The following AGBL4 variants were observed in gnomAD, a reference collection of about 807,000 sequenced individuals.
AGBL4 encodes cytosolic carboxypeptidase 6.
A neutral mutation model predicts 66.4 loss-of-function variants in AGBL4; 58 were observed. That is an observed-to-expected ratio of 0.87 (90% CI 0.71 to 1.09). The LOEUF (loss-of-function observed/expected upper bound fraction) is 1.09, where lower values mean the gene tolerates loss of function less well. Among genes scored for constraint, AGBL4 ranks in the 50% least tolerant of loss-of-function variants. The probability of loss-of-function intolerance (pLI) is 0.00; values close to 1 mark genes in which losing one functional copy is unlikely to be tolerated. For missense variants in AGBL4, 579 were observed against 631.0 expected, an observed-to-expected ratio of 0.92 and a Z score of 0.88; for synonymous variants, 234 against 222.9, an observed-to-expected ratio of 1.05 and a Z score of -0.44.
chr1:49,203,859 G>A (rs1430171537), intron 4 of AGBL4, among the ~76,000 whole-genome samples: 1 of 152,118 alleles, frequency 6.6e-6, no homozygotes, highest in Non-Finnish European at 1.5e-5. Context: ...TTAGAGATAT[G>A]TTGTACAACA....
intron 5 of AGBL4, among the ~76,000 whole-genome samples, chr1:49,004,721 A>C (rs551711168): frequency 6.6e-6 from 1 of 152,350 alleles, no homozygotes; most frequent in African/African-American, 2.4e-5. Flanking sequence ...CTTCCTGAGG[A>C]ATTAGTGGAG....
chr1:49,712,768 T>C (rs1171450655), intron 2 of AGBL4, among the ~76,000 whole-genome samples: 1 of 151,974 alleles, frequency 6.6e-6, no homozygotes, highest in East Asian at 1.9e-4. Context: ...CCACTTGGAT[T>C]GAATCTCAGC....
At chr1:49,560,921 A>G (rs1333105080) in intron 3 of AGBL4, among the ~76,000 whole-genome samples, 1 of 152,126 alleles carries the variant, frequency 6.6e-6, no homozygotes, top group African/African-American at 2.4e-5. Context: ...AAGCTGAGGG[A>G]TTTCATCAAC....
At chr1:49,505,280 T>C (rs1320438837) in intron 3 of AGBL4, among the ~76,000 whole-genome samples, 2 of 152,096 alleles carry the variant, frequency 1.3e-5, no homozygotes, top group Non-Finnish European at 2.9e-5. Context: ...TATTACAGTA[T>C]TTTAGTATTC....
rs1269772126 is a variant in AGBL4, at chr1:48,534,903, C to T, written c.1378G>A (p.Glu460Lys). The T allele has an allele frequency of 2.6e-6, 4 of 1,551,416 alleles. No homozygotes were observed. The highest frequency in any genetic ancestry group is 3.5e-6 in the Non-Finnish European group (4 of 1,146,774). ...GCAGTTCCTTACCTTCTCTGGACTT[C>T]TATTTCTTTATTTCTAAAATAGGAG... is the stretch of plus-strand genomic sequence containing the variant. ...PMPRLRNKEI[E>K]VQRRKEKSPP... Residue 460 changes from glutamate (E) to lysine (K), a missense_variant, in exon 13 of 14, where the codon GAA becomes AAA. Transcript: ENST00000371839.
intron 2 of AGBL4, among the ~76,000 whole-genome samples, chr1:49,787,790 T>C (rs1001657878): frequency 2.6e-5 from 4 of 152,054 alleles, no homozygotes; most frequent in African/African-American, 9.7e-5. Context: ...AGGACACACC[T>C]AATTCCTCCA....
At chr1:49,699,770 A>T (rs1255877230) in intron 2 of AGBL4, among the ~76,000 whole-genome samples, 1 of 151,968 alleles carries the variant, frequency 6.6e-6, no homozygotes, top group East Asian at 1.9e-4. Context: ...TATGTAGGTC[A>T]AAGAGTAGAA....
intron 3 of AGBL4, among the ~76,000 whole-genome samples, chr1:49,457,005 CTG>C (rs1646404673): frequency 6.6e-6 from 1 of 151,588 alleles, no homozygotes; most frequent in Admixed American, 6.6e-5. Flanking sequence ...TTCCATATTT[CTG>C]CAATTGCAAA....
chr1:49,657,519 T>C (rs1407477657), intron 3 of AGBL4, among the ~76,000 whole-genome samples: 2 of 152,176 alleles, frequency 1.3e-5, no homozygotes, highest in Non-Finnish European at 2.9e-5. Context: ...TTAAAGTTCA[T>C]AGGGAACCAA....
At chr1:48,778,224 C>G (rs1013012566) in intron 6 of AGBL4, among the ~76,000 whole-genome samples, 1 of 152,030 alleles carries the variant, frequency 6.6e-6, no homozygotes, top group African/African-American at 2.4e-5. Flanking sequence ...TTCAAGCAAC[C>G]AATATTCACT....
At chr1:49,362,771 A>G (rs1270581793) in intron 3 of AGBL4, among the ~76,000 whole-genome samples, 1 of 152,206 alleles carries the variant, frequency 6.6e-6, no homozygotes, top group Non-Finnish European at 1.5e-5. Flanking sequence ...TCCCAAAGGA[A>G]TGTATCCAGT....
At chr1:49,919,769 C>T (rs1196459727) in intron 1 of AGBL4, among the ~76,000 whole-genome samples, 38 of 152,108 alleles carry the variant, frequency 2.5e-4, no homozygotes, top group Admixed American at 2.4e-3. Flanking sequence ...AAAAAAGAGC[C>T]CGCATTGCCA....
chr1:48,931,568 TG>T (rs1381654275), intron 5 of AGBL4, among the ~76,000 whole-genome samples: 3 of 152,066 alleles, frequency 2.0e-5, no homozygotes, highest in Non-Finnish European at 4.4e-5. Flanking sequence ...CACCCAGGCT[TG>T]AGTGCAGTGG....
intron 2 of AGBL4, among the ~76,000 whole-genome samples, chr1:49,815,824 A>G (rs1645217455): frequency 6.6e-6 from 1 of 152,126 alleles, no homozygotes; most frequent in Non-Finnish European, 1.5e-5. Flanking sequence ...CTTTTGAGAA[A>G]TGTCTATTCA....
intron 3 of AGBL4, among the ~76,000 whole-genome samples, chr1:49,358,871 T>C (rs1390359792): frequency 2.6e-5 from 4 of 152,334 alleles, no homozygotes; most frequent in African/African-American, 4.8e-5. Context: ...CTATTGATAA[T>C]TGAAAAAATC....
chr1:49,382,044 A>G (rs1000303093), intron 3 of AGBL4, among the ~76,000 whole-genome samples: 2 of 152,104 alleles, frequency 1.3e-5, no homozygotes, highest in Non-Finnish European at 1.5e-5. Context: ...TAGCCACTGA[A>G]ACACTCAGGA....
intron 6 of AGBL4, among the ~76,000 whole-genome samples, chr1:48,719,515 T>C (rs527400148): frequency 6.6e-6 from 1 of 152,294 alleles, no homozygotes; most frequent in South Asian, 2.1e-4. Context: ...AGCCCCACCC[T>C]TCAGTGTGTC....
chr1:49,271,071 C>T (rs1644047787), intron 3 of AGBL4, among the ~76,000 whole-genome samples: 1 of 152,194 alleles, frequency 6.6e-6, no homozygotes, highest in South Asian at 2.1e-4. Context: ...ACTTTCACTG[C>T]CATGGCCTAG....
At chr1:48,876,572 C>T (rs1330336021) in intron 5 of AGBL4, among the ~76,000 whole-genome samples, 1 of 152,138 alleles carries the variant, frequency 6.6e-6, no homozygotes, top group Non-Finnish European at 1.5e-5. Flanking sequence ...AAATGCCCAC[C>T]CAGTGCACCC....
Sources: allele counts gnomAD v4.1 joint callset (sites outside exome capture counted in the v4.1 genomes callset), GRCh38; gene constraint gnomAD v4.1.1; transcripts MANE v1.5; gene names NCBI Gene and HGNC (gene_info 2026-07-23, HGNC 2026-07-21).